The following DPP6 variants were observed in gnomAD, a reference collection of about 807,000 sequenced individuals.
The protein encoded by DPP6 is dipeptidyl peptidase like 6.
A neutral mutation model predicts 122.6 loss-of-function variants in DPP6; 69 were observed. The observed-to-expected ratio is 0.56, with a 90% confidence interval of 0.46 to 0.69. DPP6 has a LOEUF of 0.69. DPP6 is among the 30% of genes least tolerant of loss of function. DPP6 has a pLI of 0.00. For synonymous variants in DPP6, 418 were observed against 433.1 expected (o/e 0.97, Z 0.43); for missense variants, 928 against 1,116.9 (o/e 0.83, Z 2.41).
chr7:154,752,734 C>T (rs1587028435), intron 8 of DPP6, among the ~76,000 whole-genome samples: 2 of 152,158 alleles, frequency 1.3e-5, no homozygotes, highest in East Asian at 3.8e-4. Flanking sequence ...CCTACAGTGG[C>T]GGCCGCTCTG....
the DPP6 span, among the ~76,000 whole-genome samples, chr7:153,819,483 C>A: frequency 2.0e-5 from 3 of 151,678 alleles, no homozygotes; most frequent in African/African-American, 4.9e-5. Context: ...TGGACTGAAA[C>A]GTCCTGCAGC....
intron 1 of DPP6, among the ~76,000 whole-genome samples, chr7:154,028,245 C>T (rs1254238601): frequency 6.6e-6 from 1 of 152,012 alleles, no homozygotes; most frequent in East Asian, 1.9e-4. Flanking sequence ...CCCCCGAATA[C>T]ACCCTAATGT....
chr7:154,091,250 C>T (rs1278865056), intron 1 of DPP6, among the ~76,000 whole-genome samples: 1 of 152,202 alleles, frequency 6.6e-6, no homozygotes, highest in African/African-American at 2.4e-5. Flanking sequence ...TGGGCACTCA[C>T]AGCAAATAGG....
At chr7:153,798,862 A>C in the DPP6 span, among the ~76,000 whole-genome samples, 1 of 152,334 alleles carries the variant, frequency 6.6e-6, no homozygotes, top group Non-Finnish European at 1.5e-5. Context: ...CATAAGGATC[A>C]GGTATTAGAT....
At chr7:154,149,166 G>A (rs1000225690) in intron 1 of DPP6, among the ~76,000 whole-genome samples, 1 of 152,268 alleles carries the variant, frequency 6.6e-6, no homozygotes, top group Non-Finnish European at 1.5e-5. Context: ...AACAATTGCA[G>A]TGCCTTTACA....
intron 18 of DPP6, 54 bp downstream of exon 18, chr7:154,868,147 G>C: frequency 6.5e-7 from 1 of 1,549,454 alleles, no homozygotes; most frequent in Non-Finnish European, 8.7e-7. Context: ...AACGTGGGCT[G>C]TGACACAGTG....
chr7:154,269,930 TTCA>T (rs1356647893), intron 1 of DPP6, among the ~76,000 whole-genome samples: 1 of 152,220 alleles, frequency 6.6e-6, no homozygotes, highest in Non-Finnish European at 1.5e-5. Flanking sequence ...AATGACTTTC[TTCA>T]TCTGGTGTCA....
intron 17 of DPP6, among the ~76,000 whole-genome samples, chr7:154,859,225 C>G (rs1028741993): frequency 6.6e-6 from 1 of 152,248 alleles, no homozygotes; most frequent in Non-Finnish European, 1.5e-5. Flanking sequence ...TTGCACCTCA[C>G]GCCTCTGTTG....
intron 2 of DPP6, among the ~76,000 whole-genome samples, chr7:154,462,154 G>A (rs1821354845): frequency 6.6e-6 from 1 of 152,134 alleles, no homozygotes; most frequent in Non-Finnish European, 1.5e-5. Flanking sequence ...CAATTTTGCT[G>A]AAGATGAGTT....
chr7:154,866,241 T>G (rs1039278346), intron 17 of DPP6, among the ~76,000 whole-genome samples: 1 of 150,346 alleles, frequency 6.7e-6, no homozygotes, highest in Non-Finnish European at 1.5e-5. Flanking sequence ...TTCCTGTAAC[T>G]GTGAATAGAA....
intron 6 of DPP6, among the ~76,000 whole-genome samples, chr7:154,644,899 C>A (rs565639524): frequency 1.3e-5 from 2 of 151,768 alleles, no homozygotes; most frequent in Non-Finnish European, 1.5e-5. Flanking sequence ...TTAGTAGATA[C>A]GACGTTTCAC....
chr7:154,567,044 G>C, intron 5 of DPP6, 128 bp downstream of exon 5: 1 of 709,360 alleles, frequency 1.4e-6, no homozygotes, highest in Non-Finnish European at 2.3e-6. Flanking sequence ...CATCCTGGAA[G>C]TCTCTTTTGC....
intron 1 of DPP6, among the ~76,000 whole-genome samples, chr7:154,066,840 A>G (rs569568455): frequency 6.6e-6 from 1 of 152,168 alleles, no homozygotes; most frequent in Admixed American, 6.5e-5. Context: ...AGAGACAGGC[A>G]TGTGAGCAAA....
intron 6 of DPP6, among the ~76,000 whole-genome samples, chr7:154,650,570 G>A (rs1434922068): frequency 6.6e-6 from 1 of 152,126 alleles, no homozygotes; most frequent in African/African-American, 2.4e-5. Context: ...GTGAGGGCTG[G>A]CAAACCCAAC....
intron 1 of DPP6, among the ~76,000 whole-genome samples, chr7:154,142,610 T>G (rs1288528507): frequency 2.6e-5 from 4 of 152,226 alleles, no homozygotes; most frequent in Non-Finnish European, 5.9e-5. Flanking sequence ...TCTGTTCTTT[T>G]TCTACTCAAA....
chr7:153,899,641 T>C (rs38975), intron 1 of DPP6, among the ~76,000 whole-genome samples: 84,876 of 152,054 alleles, frequency 0.56, 23,678 homozygotes, highest in Middle Eastern at 0.61. Context: ...CCAAACACAA[T>C]AGTTTAATAT....
At chr7:154,385,255 A>AT (rs1814000560) in intron 1 of DPP6, among the ~76,000 whole-genome samples, 1 of 151,966 alleles carries the variant, frequency 6.6e-6, no homozygotes, top group Non-Finnish European at 1.5e-5. Context: ...TGCATTATGC[A>AT]TTTTTCATCA....
chr7:154,126,263 G>A (rs562680338), intron 1 of DPP6, among the ~76,000 whole-genome samples: 86 of 152,260 alleles, frequency 5.6e-4, no homozygotes, highest in African/African-American at 2.0e-3. Context: ...TTAAATGTGT[G>A]ATTGTGAAAT....
At chr7:153,803,394 A>G in the DPP6 span, among the ~76,000 whole-genome samples, 2 of 151,496 alleles carry the variant, frequency 1.3e-5, no homozygotes, top group African/African-American at 4.9e-5. Flanking sequence ...GGCATCTTTC[A>G]GTCCATGGAG....
Sources: allele counts gnomAD v4.1 joint callset (sites outside exome capture counted in the v4.1 genomes callset), GRCh38; gene constraint gnomAD v4.1.1; transcripts MANE v1.5; gene names NCBI Gene and HGNC (gene_info 2026-07-23, HGNC 2026-07-21).